The following ERC1 variants were observed in gnomAD, a reference collection of about 807,000 sequenced individuals.
ERC1 encodes RAB6 interacting protein 2.
In ERC1, 56 loss-of-function variants were observed where a neutral mutation model predicts 132.0. That is an observed-to-expected ratio of 0.42 (90% CI 0.34 to 0.53). ERC1 has a LOEUF of 0.53. Ranked by LOEUF, ERC1 falls within the 20% of genes least tolerant of loss-of-function variation. The probability of loss-of-function intolerance (pLI) is 0.03; values close to 1 mark genes in which losing one functional copy is unlikely to be tolerated. For synonymous variants in ERC1, 478 were observed against 476.1 expected, an observed-to-expected ratio of 1.00 and a Z score of -0.05; for missense variants, 1,202 against 1,349.9, an observed-to-expected ratio of 0.89 and a Z score of 1.72.
chr12:1,442,896 ATTAC>A (rs2093196936), intron 17 of ERC1, among the ~76,000 whole-genome samples: 1 of 152,040 alleles, frequency 6.6e-6, no homozygotes, highest in South Asian at 2.1e-4. Flanking sequence ...GTTACAAATG[ATTAC>A]TTCTTTTTTA....
At chr12:1,353,091 T>C (rs1377920983) in intron 15 of ERC1, among the ~76,000 whole-genome samples, 1 of 150,754 alleles carries the variant, frequency 6.6e-6, no homozygotes, top group Admixed American at 6.6e-5. Flanking sequence ...AGTGCAGTGG[T>C]GTGATCTCTG....
intron 2 of ERC1, among the ~76,000 whole-genome samples, chr12:1,069,813 A>G (rs942729092): frequency 3.3e-5 from 5 of 152,188 alleles, no homozygotes; most frequent in Non-Finnish European, 7.3e-5. Context: ...GCTTCATACT[A>G]TTTGGGTTAA....
chr12:1,077,367 A>G (rs891605742), intron 2 of ERC1, among the ~76,000 whole-genome samples: 1 of 152,204 alleles, frequency 6.6e-6, no homozygotes, highest in Non-Finnish European at 1.5e-5. Context: ...AGCTTCTGAT[A>G]TTTATCTAAA....
chr12:1,065,528 A>T lies in ERC1; in HGVS notation c.670-17636A>T, dbSNP rs1294236213. Among the ~76,000 whole-genome samples the T allele has an allele frequency of 1.3e-4, 8 of 63,304 alleles. No homozygotes were observed. In the South Asian group the frequency reaches 5.0e-3, roughly 40 times the overall value. The allele number at this position is 63,304 out of a possible 152,430, so 41.5% of individuals were successfully genotyped here. Reference sequence around the variant, plus strand: ...TGTGTGTGTGTGTGTGTGTTTGTATATTGCTGAGTTTCCTTAAGATCATTA... The same window carrying T: ...TGTGTGTGTGTGTGTGTGTTTGTATTTTGCTGAGTTTCCTTAAGATCATTA... On this transcript the variant is annotated intron_variant, in intron 2 of 18. Transcript: ENST00000360905.
At chr12:1,123,813 A>G (rs1392925303) in intron 7 of ERC1, among the ~76,000 whole-genome samples, 2 of 152,124 alleles carry the variant, frequency 1.3e-5, no homozygotes, top group African/African-American at 2.4e-5. Flanking sequence ...TGGCCAACAT[A>G]GTGAAACCCT....
chr12:1,153,508 C>G (rs970433898), intron 8 of ERC1, among the ~76,000 whole-genome samples: 1 of 152,180 alleles, frequency 6.6e-6, no homozygotes, highest in Admixed American at 6.5e-5. Flanking sequence ...AAGGGAATAC[C>G]AGCTTATTCA....
intron 13 of ERC1, among the ~76,000 whole-genome samples, chr12:1,237,566 A>G (rs1235056047): frequency 6.6e-6 from 1 of 152,226 alleles, no homozygotes; most frequent in Non-Finnish European, 1.5e-5. Flanking sequence ...ATTTTGTTCT[A>G]ACCTTCACAG....
intron 2 of ERC1, among the ~76,000 whole-genome samples, chr12:1,036,349 C>T (rs569669519): frequency 6.6e-6 from 1 of 151,214 alleles, no homozygotes; most frequent in East Asian, 1.9e-4. Flanking sequence ...ATGATAAAAG[C>T]CATTATTATT....
chr12:1,295,181 C>T (rs1020257887), intron 15 of ERC1, among the ~76,000 whole-genome samples: 4 of 152,138 alleles, frequency 2.6e-5, no homozygotes, highest in Non-Finnish European at 4.4e-5. Flanking sequence ...AACTGAAAAT[C>T]CAATTTGTGC....
At chr12:1,105,596 A>G (rs555532825) in intron 4 of ERC1, among the ~76,000 whole-genome samples, 1 of 152,214 alleles carries the variant, frequency 6.6e-6, no homozygotes, top group East Asian at 1.9e-4. Flanking sequence ...TGACCTCGTT[A>G]TCCGCCCGCC....
At chr12:1,129,243 T>C (rs543066483) in intron 7 of ERC1, among the ~76,000 whole-genome samples, 62 of 152,128 alleles carry the variant, frequency 4.1e-4, no homozygotes, top group Middle Eastern at 3.4e-3. Flanking sequence ...GAGGTCAAGG[T>C]AGGAGGATCA....
intron 15 of ERC1, among the ~76,000 whole-genome samples, chr12:1,362,415 C>G (rs975756145): frequency 6.6e-6 from 1 of 152,008 alleles, no homozygotes; most frequent in African/African-American, 2.4e-5. Context: ...CGATAAGAAC[C>G]GTTGATCTTC....
At position 1,093,678 on chromosome 12, in the gene ERC1, G is replaced by T. The variant is rs1014635042; in HGVS notation, c.1086+10098G>T. On this transcript the variant is annotated intron_variant, in intron 3 of 18. Coordinates refer to ENST00000360905, the MANE Select transcript of ERC1 (RefSeq NM_178040.4). ...TTGTCTGTATTTTAATCAACAAACC[G>T]TATTAGTACAACTGCTATCGTGTTA... Among the ~76,000 whole-genome samples, 6 of 151,682 alleles carry T rather than the reference G, an allele frequency of 4.0e-5. No homozygotes were observed. In the East Asian group the frequency reaches 5.8e-4, roughly 15 times the overall value.
intron 18 of ERC1, among the ~76,000 whole-genome samples, chr12:1,484,230 G>A (rs1251885005): frequency 6.6e-6 from 1 of 151,996 alleles, no homozygotes; most frequent in South Asian, 2.1e-4. Context: ...GTGTGAACCT[G>A]GGATGTGGAG....
chr12:1,129,690 A>G (rs1416040063), intron 7 of ERC1, among the ~76,000 whole-genome samples: 1 of 152,212 alleles, frequency 6.6e-6, no homozygotes, highest in African/African-American at 2.4e-5. Context: ...ATTCTGTACC[A>G]AGCTGAACTC....
intron 18 of ERC1, among the ~76,000 whole-genome samples, chr12:1,463,378 A>C (rs549035266): frequency 6.6e-6 from 1 of 152,266 alleles, no homozygotes; most frequent in South Asian, 2.1e-4. Flanking sequence ...CTGTTGGGGG[A>C]CAGGGCCTGA....
intron 15 of ERC1, among the ~76,000 whole-genome samples, chr12:1,328,295 T>A (rs2154356698): frequency 6.6e-6 from 1 of 152,158 alleles, no homozygotes; most frequent in Non-Finnish European, 1.5e-5. Flanking sequence ...CACAGATGCA[T>A]GCCATGATGT....
chr12:1,007,429 G>A (rs921106211), intron 1 of ERC1, among the ~76,000 whole-genome samples: 1 of 151,878 alleles, frequency 6.6e-6, no homozygotes. Context: ...CGCGTACAGA[G>A]TTAAAAGCTT....
intron 18 of ERC1, among the ~76,000 whole-genome samples, chr12:1,483,714 G>A (rs1436557670): frequency 1.1e-5 from 1 of 90,646 alleles, no homozygotes; most frequent in Non-Finnish European, 2.0e-5. Context: ...TTTGGAGACA[G>A]AGTCTTGCTC....
Sources: gnomAD v4.1 joint callset for allele counts (sites outside exome capture counted in the v4.1 genomes callset) on GRCh38, gnomAD v4.1.1 for gene constraint, MANE v1.5 for transcripts, NCBI Gene and HGNC (gene_info 2026-07-23, HGNC 2026-07-21) for gene names.